The following ARSB variants were observed in gnomAD, a reference collection of about 807,000 sequenced individuals.
ARSB encodes arylsulfatase B, also known as N-acetylgalactosamine-4-sulfatase.
ARSB carries 41 observed loss-of-function variants against 50.9 expected under a neutral mutation model. The ratio of observed to expected loss-of-function variants is 0.81; its 90% CI spans 0.63 to 1.04. ARSB has a LOEUF of 1.04. ARSB is among the 50% of genes least tolerant of loss of function. The pLI is 0.00. For synonymous variants in ARSB, 269 were observed against 284.8 expected (o/e 0.94, Z 0.56); for missense variants, 672 against 693.3 (o/e 0.97, Z 0.35).
At chr5:78,984,867 C>T (rs1753083961) in intron 1 of ARSB, 70 bp downstream of exon 1, 4 of 1,200,134 alleles carry the variant, frequency 3.3e-6, no homozygotes, top group Non-Finnish European at 4.2e-6. Flanking sequence ...CCTCAAGGGC[C>T]GGGTAGGAGC....
At position 78,962,524 on chromosome 5, in the gene ARSB, A is replaced by ATTTTTTTT. The variant is rs10683109; in HGVS notation, c.690+1884_690+1891dup. ...GTGTTTTCACTTCTACATGTGCTCG[A>ATTTTTTTT]TTTTTTTTTTTTTTTTTTTTTGAGA... On this transcript the variant is annotated intron_variant, in intron 3 of 7. Coordinates refer to ENST00000264914, the MANE Select transcript of ARSB (RefSeq NM_000046.5). Among the ~76,000 whole-genome samples the ATTTTTTTT allele has an allele frequency of 9.8e-3, 1,043 of 106,146 alleles. 69 individuals carry two copies. The highest frequency in any genetic ancestry group is 0.047 in the South Asian group (141 of 3,006). 69.6% of individuals were successfully genotyped at this position (106,146 alleles called of 152,430 possible).
At chr5:78,807,232 AGTCAATAATCCAGGGC>A (rs1219602600) in intron 6 of ARSB, among the ~76,000 whole-genome samples, 1 of 152,194 alleles carries the variant, frequency 6.6e-6, no homozygotes, top group Non-Finnish European at 1.5e-5. Context: ...CATTTGAGAG[AGTCAATAATCCAGGGC>A]CAAGCCTGCC....
intron 1 of ARSB, among the ~76,000 whole-genome samples, chr5:78,976,654 C>A (rs999129107): frequency 6.6e-6 from 1 of 152,156 alleles, no homozygotes; most frequent in South Asian, 2.1e-4. Flanking sequence ...ACAATTAATT[C>A]TAATTGGAAT....
At chr5:78,897,535 T>A (rs1425032798) in intron 4 of ARSB, among the ~76,000 whole-genome samples, 1 of 152,056 alleles carries the variant, frequency 6.6e-6, no homozygotes, top group African/African-American at 2.4e-5. Context: ...TGGAAAGAGG[T>A]TCCACTTTTT....
chr5:78,973,296 T>C (rs1374235091), intron 1 of ARSB, among the ~76,000 whole-genome samples: 3 of 152,234 alleles, frequency 2.0e-5, no homozygotes, highest in African/African-American at 7.2e-5. Flanking sequence ...GTTACTTCCC[T>C]ATCTACCATG....
chr5:78,944,434 G>C (rs1314320425), intron 4 of ARSB, among the ~76,000 whole-genome samples: 1 of 152,130 alleles, frequency 6.6e-6, no homozygotes, highest in Admixed American at 6.5e-5. Context: ...CTTTGATGAT[G>C]GTGATTTACA....
chr5:78,889,142 A>C (rs1311202870), intron 4 of ARSB, among the ~76,000 whole-genome samples: 2 of 152,238 alleles, frequency 1.3e-5, no homozygotes, highest in African/African-American at 4.8e-5. Flanking sequence ...GGTGCGGTCC[A>C]TAAGTTCTAG....
At chr5:78,809,420 C>T (rs753389465) in intron 6 of ARSB, among the ~76,000 whole-genome samples, 13 of 152,222 alleles carry the variant, frequency 8.5e-5, no homozygotes, top group South Asian at 2.1e-4. Flanking sequence ...ACAGAGCTTT[C>T]GGCACATAAC....
chr5:78,861,512 T>C (rs187850626), intron 5 of ARSB, among the ~76,000 whole-genome samples: 15,925 of 151,940 alleles, frequency 0.1, 2,238 homozygotes, highest in African/African-American at 0.32. Flanking sequence ...ACACAAAAAC[T>C]GTATGATTAT....
intron 6 of ARSB, among the ~76,000 whole-genome samples, chr5:78,832,383 A>G (rs1294353592): frequency 6.6e-6 from 1 of 151,704 alleles, no homozygotes; most frequent in African/African-American, 2.4e-5. Context: ...CCTCTTCCAG[A>G]CTCTTCCAGA....
chr5:78,795,810 C>A (rs1743158909), intron 6 of ARSB, among the ~76,000 whole-genome samples: 1 of 152,144 alleles, frequency 6.6e-6, no homozygotes, highest in Admixed American at 6.5e-5. Context: ...TCAAATGAAT[C>A]TTAAGTTTAT....
At chr5:78,836,340 T>G (rs988872750) in intron 6 of ARSB, among the ~76,000 whole-genome samples, 1 of 152,180 alleles carries the variant, frequency 6.6e-6, no homozygotes, top group Non-Finnish European at 1.5e-5. Flanking sequence ...TGGTTCTACA[T>G]CCTTGCAAGA....
At chr5:78,869,461 AT>A (rs1746999968) in intron 5 of ARSB, among the ~76,000 whole-genome samples, 4 of 126,724 alleles carry the variant, frequency 3.2e-5, no homozygotes, top group Admixed American at 2.5e-4. Context: ...ATAACAAACT[AT>A]CTCTCAGACC....
At chr5:78,852,651 T>C (rs1261910139) in intron 5 of ARSB, among the ~76,000 whole-genome samples, 1 of 152,160 alleles carries the variant, frequency 6.6e-6, no homozygotes, top group African/African-American at 2.4e-5. Context: ...CTGCAGAGTG[T>C]TTTCCAACTT....
intron 5 of ARSB, among the ~76,000 whole-genome samples, chr5:78,872,193 C>G (rs200075784): frequency 6.7e-6 from 1 of 149,526 alleles, no homozygotes; most frequent in African/African-American, 2.4e-5. Flanking sequence ...TGTGGAGAAA[C>G]AGGAACACTT....
At chr5:78,914,708 G>A (rs1456328505) in intron 4 of ARSB, among the ~76,000 whole-genome samples, 5 of 152,080 alleles carry the variant, frequency 3.3e-5, no homozygotes, top group African/African-American at 9.7e-5. Context: ...ACAGAGTCTC[G>A]CTCTGTCACT....
intron 4 of ARSB, among the ~76,000 whole-genome samples, chr5:78,891,509 T>A (rs991937753): frequency 2.3e-4 from 35 of 152,082 alleles, no homozygotes; most frequent in African/African-American, 8.0e-4. Flanking sequence ...CCACTCCAGA[T>A]CTGGAAAAAG....
chr5:78,859,608 A>G lies in ARSB; in HGVS notation c.1143-20182T>C, dbSNP rs575820274. ...CCAATGCTGAAGAGACGAACAACAC[A>G]TTCTTGGATTCTGCCATAAGAATCA... is the stretch of plus-strand genomic sequence containing the variant. On this transcript the variant is annotated intron_variant, in intron 5 of 7. Transcript: ENST00000264914. Among the ~76,000 whole-genome samples the G allele has an allele frequency of 2.0e-5, 3 of 152,304 alleles. No individual in the cohort carries two copies. The East Asian group carries it at 5.8e-4, about 29-fold the overall frequency.
chr5:78,792,636 G>A (rs1302563428), intron 6 of ARSB, among the ~76,000 whole-genome samples: 1 of 152,156 alleles, frequency 6.6e-6, no homozygotes, highest in East Asian at 1.9e-4. Context: ...GAATGAGTGT[G>A]AAGAGGAAAT....
Sources: allele counts gnomAD v4.1 joint callset (sites outside exome capture counted in the v4.1 genomes callset), GRCh38; gene constraint gnomAD v4.1.1; transcripts MANE v1.5; gene names NCBI Gene and HGNC (gene_info 2026-07-23, HGNC 2026-07-21).